The following CRIM1 variants were observed in gnomAD, a reference collection of about 807,000 sequenced individuals.
CRIM1 encodes cysteine-rich motor neuron 1 protein.
In CRIM1, 32 loss-of-function variants were observed where a neutral mutation model predicts 116.4. That is an observed-to-expected ratio of 0.27 (90% CI 0.21 to 0.37). The LOEUF (loss-of-function observed/expected upper bound fraction) is 0.37, where lower values mean the gene tolerates loss of function less well. Among genes scored for constraint, CRIM1 ranks in the 10% least tolerant of loss-of-function variants. The probability of loss-of-function intolerance (pLI) is 1.00; values close to 1 mark genes in which losing one functional copy is unlikely to be tolerated. For missense variants in CRIM1, 1,331 were observed against 1,354.8 expected (o/e 0.98, Z 0.28); for synonymous variants, 590 against 509.2 (o/e 1.16, Z -2.13).
chr2:36,375,132 G>GCTTTGCATATGCCA (rs1670229478), intron 1 of CRIM1, among the ~76,000 whole-genome samples: 3 of 151,750 alleles, frequency 2.0e-5, no homozygotes, highest in Non-Finnish European at 4.4e-5. Flanking sequence ...TGCATATGCC[G>GCTTTGCATATGCCA]TATGCTTTGC....
At position 36,550,067 on chromosome 2, in the gene CRIM1, G is replaced by GCA. The variant is rs1553339218; in HGVS notation, c.*1367_*1368insAC. 9.3e-6 allele frequency: 1 copy of GCA among 107,412 alleles called. No homozygotes were observed. The highest frequency in any genetic ancestry group is 3.5e-5 in the African/African-American group (1 of 28,178). The allele number at this position is 107,412 out of a possible 1,614,324, so 6.7% of individuals were successfully genotyped here. A position where few individuals can be genotyped will look rare whatever the true frequency, so the allele number is the denominator to read the frequency against. On this transcript the variant is annotated 3_prime_UTR_variant, in exon 17 of 17. Coordinates refer to ENST00000280527, the MANE Select transcript of CRIM1 (RefSeq NM_016441.3). ...TGTGTGTGTGTGTGTGTGTGTGTGT[G>GCA]CGCGCGCACGCACGCCTTGAGCAGT...
At chr2:36,381,010 C>G (rs898661083) in intron 1 of CRIM1, among the ~76,000 whole-genome samples, 59 of 152,350 alleles carry the variant, frequency 3.9e-4, no homozygotes, top group African/African-American at 1.4e-3. Context: ...CCGCTGCTCT[C>G]CCTGCCCCAT....
At chr2:36,395,349 A>G (rs902823778) in intron 1 of CRIM1, among the ~76,000 whole-genome samples, 1 of 152,168 alleles carries the variant, frequency 6.6e-6, no homozygotes, top group African/African-American at 2.4e-5. Context: ...AGTTTGAGCA[A>G]GAGGTTTAAG....
At chr2:36,393,666 G>A (rs887628342) in intron 1 of CRIM1, among the ~76,000 whole-genome samples, 3 of 152,164 alleles carry the variant, frequency 2.0e-5, no homozygotes, top group African/African-American at 7.2e-5. Flanking sequence ...GGTAGAGAAG[G>A]CTTCTCAAAA....
chr2:36,432,951 A>G (rs1675007919), intron 2 of CRIM1, among the ~76,000 whole-genome samples: 1 of 152,018 alleles, frequency 6.6e-6, no homozygotes, highest in Non-Finnish European at 1.5e-5. Flanking sequence ...TAAATTTTCA[A>G]ACTATAGTAT....
At position 36,550,773 on chromosome 2, in the gene CRIM1, T is replaced by C. The variant is rs1344836103; in HGVS notation, c.*2072T>C. 6.6e-6 allele frequency: 1 copy of C among 152,500 alleles called. No homozygotes were observed. Among genetic ancestry groups the C allele is most frequent in the Non-Finnish European group, 1.5e-5 (1 of 67,994 alleles). 9.4% of individuals were successfully genotyped at this position (152,500 alleles called of 1,614,324 possible). The stretch of plus-strand genomic sequence containing the variant: ...GCCTGATTAGTATAAATTTTGTTGG[T>C]AATTAATCCATTCCTGGCATAAAAA... On this transcript the variant is annotated 3_prime_UTR_variant, in exon 17 of 17. Coordinates refer to ENST00000280527, the MANE Select transcript of CRIM1 (RefSeq NM_016441.3).
intron 13 of CRIM1, among the ~76,000 whole-genome samples, chr2:36,535,507 A>AT (rs1277694881): frequency 6.6e-6 from 1 of 152,210 alleles, no homozygotes; most frequent in Non-Finnish European, 1.5e-5. Context: ...ATACTGAAAA[A>AT]TTGATTTCTG....
At chr2:36,501,342 T>C (rs139887695) in intron 8 of CRIM1, among the ~76,000 whole-genome samples, 141 of 152,336 alleles carry the variant, frequency 9.3e-4, no homozygotes, top group African/African-American at 3.2e-3. Flanking sequence ...AGATACAAAA[T>C]AGGAGTTAAG....
rs200755539 is a variant in CRIM1, at chr2:36,512,348, G to C, written c.1734G>C (p.Leu578Phe). The stretch of plus-strand genomic sequence containing the variant: ...TCTCATGCAGTAAGATCTGCCCCTT[G>C]GGTTTCCAGCAGGACAGTCACGGCT... ...PELSCSKICPLGFQQDSHGCL... is the reference protein window; with the variant it reads ...PELSCSKICPFGFQQDSHGCL... The change falls in exon 10 of 17, where the codon TTG (leucine) becomes TTC (phenylalanine). Residue 578 changes from leucine to phenylalanine, a missense_variant. Around this residue, in one of 3 missense-constraint regions of CRIM1, gnomAD observed 358 missense variants for 436.1 expected, o/e 0.82. Coordinates refer to ENST00000280527, the MANE Select transcript of CRIM1 (RefSeq NM_016441.3). 12 of 1,613,874 alleles carry C rather than the reference G, an allele frequency of 7.4e-6. No homozygotes were observed. The highest frequency in any genetic ancestry group is 1.6e-4 in the Middle Eastern group (1 of 6,062).
At chr2:36,545,556 G>A (rs1667266615) in intron 15 of CRIM1, among the ~76,000 whole-genome samples, 1 of 152,042 alleles carries the variant, frequency 6.6e-6, no homozygotes, top group Admixed American at 6.6e-5. Flanking sequence ...CTTCTCCTAG[G>A]CAACTGATTT....
chr2:36,394,264 G>GT (rs1052125766), intron 1 of CRIM1, among the ~76,000 whole-genome samples: 9 of 152,150 alleles, frequency 5.9e-5, no homozygotes, highest in African/African-American at 9.6e-5. Flanking sequence ...TTTCTTACAA[G>GT]TTTTTTTTAA....
chr2:36,364,783 G>C (rs1445968706), intron 1 of CRIM1, among the ~76,000 whole-genome samples: 2 of 152,054 alleles, frequency 1.3e-5, no homozygotes, highest in African/African-American at 4.8e-5. Context: ...AAATATTGTA[G>C]TGAGGATTAG....
chr2:36,506,328 G>C (rs1352999000), intron 8 of CRIM1, among the ~76,000 whole-genome samples: 3 of 151,990 alleles, frequency 2.0e-5, no homozygotes, highest in Non-Finnish European at 2.9e-5. Context: ...TCTCCACACA[G>C]AGAGTGGCCC....
chr2:36,370,454 G>T (rs903624942), intron 1 of CRIM1, among the ~76,000 whole-genome samples: 2 of 152,114 alleles, frequency 1.3e-5, no homozygotes, highest in African/African-American at 4.8e-5. Context: ...TCAGGAAATT[G>T]TATTAGTTGC....
Position 36,520,356 on chromosome 2 carries a change from A to G in CRIM1, c.2207-1736A>G, listed in dbSNP as rs79633077. ...AGCTAAGTTAACGTAAGTCACAAAA[A>G]CCTCATGGAGATTTGCAGGGCCTAG... On this transcript the variant is annotated intron_variant, in intron 12 of 16. Transcript: ENST00000280527. 1.5e-4 allele frequency among the ~76,000 whole-genome samples: 23 copies of G among 152,186 alleles called. No homozygotes were observed. In the East Asian group the frequency reaches 4.1e-3, roughly 27 times the overall value.
chr2:36,452,686 C>CT (rs3836079), intron 4 of CRIM1, among the ~76,000 whole-genome samples: 40,243 of 151,808 alleles, frequency 0.27, 5,474 homozygotes, highest in Admixed American at 0.31. Context: ...GGGCCTTAGG[C>CT]TTTTTTTATC....
At chr2:36,475,286 CA>C (rs1678880111) in intron 5 of CRIM1, among the ~76,000 whole-genome samples, 1 of 152,232 alleles carries the variant, frequency 6.6e-6, no homozygotes, top group East Asian at 1.9e-4. Context: ...TTGTTATTTT[CA>C]AAATACAAGT....
chr2:36,545,685 G>T (rs539192897), intron 15 of CRIM1, among the ~76,000 whole-genome samples: 3 of 152,290 alleles, frequency 2.0e-5, no homozygotes, highest in East Asian at 3.9e-4. Flanking sequence ...CACAGAAACA[G>T]AACTGGAAGA....
At chr2:36,515,801 G>A (rs934054833) in intron 11 of CRIM1, among the ~76,000 whole-genome samples, 1 of 152,212 alleles carries the variant, frequency 6.6e-6, no homozygotes, top group Non-Finnish European at 1.5e-5. Context: ...TTCCGTACAT[G>A]TCAGCATTTA....
Sources: allele counts gnomAD v4.1 joint callset (sites outside exome capture counted in the v4.1 genomes callset), GRCh38; gene constraint gnomAD v4.1.1; regional missense constraint gnomAD v4.1.1; transcripts MANE v1.5; gene names NCBI Gene and HGNC (gene_info 2026-07-23, HGNC 2026-07-21).